Variants in TOM1L2 observed in about 807,000 individuals in gnomAD.
TOM1L2 encodes TOM1-like protein 2.
A neutral mutation model predicts 67.9 loss-of-function variants in TOM1L2; 31 were observed. The observed-to-expected ratio is 0.46, with a 90% CI of 0.34 to 0.62. The LOEUF is 0.62. TOM1L2 is among the 20% of genes least tolerant of loss of function. TOM1L2 has a pLI of 0.01. For missense variants in TOM1L2, 606 were observed against 663.5 expected (o/e 0.91, Z 0.95); for synonymous variants, 256 against 254.0 (o/e 1.01, Z -0.07).
chr17:17,972,376 C>G lies in TOM1L2; in HGVS notation c.-63G>C. On this transcript the variant is annotated 5_prime_UTR_variant, in exon 1 of 15. Coordinates refer to ENST00000379504, the MANE Select transcript of TOM1L2 (RefSeq NM_001082968.2). Reference sequence around the variant, plus strand: ...CTGCCACCTAGGCCTCCGCTGTAACCCGCCGGACTCCCGTCCTGACTGACA... The same window carrying G: ...CTGCCACCTAGGCCTCCGCTGTAACGCGCCGGACTCCCGTCCTGACTGACA... 1 of 1,545,224 alleles carries G rather than the reference C, an allele frequency of 6.5e-7. No homozygotes were observed. The highest frequency in any genetic ancestry group is 8.7e-7 in the Non-Finnish European group (1 of 1,143,976).
intron 1 of TOM1L2, among the ~76,000 whole-genome samples, chr17:17,915,267 G>A (rs1410848158): frequency 6.6e-6 from 1 of 152,136 alleles, no homozygotes; most frequent in Non-Finnish European, 1.5e-5. Context: ...CCAAACTCAG[G>A]CTTTGCTAGC....
In TOM1L2 at chr17:17,862,699, T is replaced by C. The variant is rs945825890; in HGVS notation, c.1202+32A>G. Reference sequence around the variant, plus strand: ...GGCATGGGTCAATCCCCCCAATATCTTTAGAGAGCCACTAAAAGGGGCCCC... The same window carrying C: ...GGCATGGGTCAATCCCCCCAATATCCTTAGAGAGCCACTAAAAGGGGCCCC... On this transcript the variant is annotated intron_variant, in intron 11 of 14. Transcript: ENST00000379504. 6 of 1,570,874 alleles carry C rather than the reference T, an allele frequency of 3.8e-6. No individual in the cohort carries two copies. The Admixed American group carries it at 1.0e-4, about 26-fold the overall frequency.
At chr17:17,950,438 C>T (rs1480368238) in intron 1 of TOM1L2, among the ~76,000 whole-genome samples, 1 of 151,580 alleles carries the variant, frequency 6.6e-6, no homozygotes. Flanking sequence ...GTATTACAGG[C>T]GTGAGTCACT....
rs1342459277 is a variant in TOM1L2 at position 17,864,219 on chromosome 17, T to C, written c.1085-1371A>G. The stretch of plus-strand genomic sequence containing the variant: ...GTAGCAGAATCCAATTTGATTTTTT[T>C]TTTTTTTTTGAGACAGAGTCTCGCT... On this transcript the variant is annotated intron_variant, in intron 10 of 14. Coordinates refer to ENST00000379504, the MANE Select transcript of TOM1L2 (RefSeq NM_001082968.2). Among the ~76,000 whole-genome samples, 3 of 151,052 alleles carry C rather than the reference T, an allele frequency of 2.0e-5. No individual in the cohort carries two copies. In the East Asian group the frequency reaches 5.8e-4, roughly 29 times the overall value.
chr17:17,956,570 G>C (rs189664582), intron 1 of TOM1L2, among the ~76,000 whole-genome samples: 2 of 152,200 alleles, frequency 1.3e-5, no homozygotes, highest in African/African-American at 4.8e-5. Flanking sequence ...GGGGAGGTTC[G>C]GGCCGCATAG....
At chr17:17,889,572 C>T (rs951142590) in intron 4 of TOM1L2, among the ~76,000 whole-genome samples, 3 of 152,180 alleles carry the variant, frequency 2.0e-5, no homozygotes, top group Non-Finnish European at 4.4e-5. Flanking sequence ...ATGGGTTCTA[C>T]CTCTGCCAGG....
intron 1 of TOM1L2, among the ~76,000 whole-genome samples, chr17:17,926,010 A>G (rs2040068252): frequency 6.6e-6 from 1 of 152,066 alleles, no homozygotes; most frequent in South Asian, 2.1e-4. Context: ...GTCTCTACCA[A>G]AAATTTAAAA....
intron 3 of TOM1L2, among the ~76,000 whole-genome samples, chr17:17,897,445 T>C (rs2038631285): frequency 1.3e-5 from 2 of 152,192 alleles, no homozygotes; most frequent in South Asian, 4.1e-4. Context: ...TTTGGATAAA[T>C]AACCTACTAT....
At chr17:17,894,824 G>C (rs957656303) in intron 3 of TOM1L2, among the ~76,000 whole-genome samples, 1 of 152,164 alleles carries the variant, frequency 6.6e-6, no homozygotes, top group Non-Finnish European at 1.5e-5. Context: ...CCAGCTACTT[G>C]GGAGGCTGAG....
At chr17:17,925,608 G>A (rs547933186) in intron 1 of TOM1L2, among the ~76,000 whole-genome samples, 1 of 149,130 alleles carries the variant, frequency 6.7e-6, no homozygotes, top group African/African-American at 2.5e-5. Flanking sequence ...TTGCCACGCT[G>A]AGGTGGGAGG....
chr17:17,948,603 G>C (rs960316091), intron 1 of TOM1L2, among the ~76,000 whole-genome samples: 1 of 152,108 alleles, frequency 6.6e-6, no homozygotes, highest in Non-Finnish European at 1.5e-5. Context: ...AGTGAGCTGG[G>C]ACCATGCCAC....
intron 7 of TOM1L2, among the ~76,000 whole-genome samples, chr17:17,875,474 C>T (rs144019168): frequency 2.7e-4 from 41 of 152,236 alleles, no homozygotes; most frequent in Middle Eastern, 3.4e-3. Context: ...GGGCCTAAGA[C>T]ACCCAAGAGC....
chr17:17,899,705 C>T lies in TOM1L2; in HGVS notation c.138-1031G>A, dbSNP rs917961044. 8.5e-5 allele frequency among the ~76,000 whole-genome samples: 13 copies of T among 152,222 alleles called. No homozygotes were observed. The South Asian group carries it at 2.7e-3, about 32-fold the overall frequency. On this transcript the variant is annotated intron_variant, in intron 2 of 14. Transcript: ENST00000379504. The stretch of plus-strand genomic sequence containing the variant: ...GGGAGCCCTCAGTCCGGCTGTGGGC[C>T]AGCGCTTTGCAATCACACATGGGTT...
rs2035586833 is a variant in TOM1L2, at chr17:17,845,318, G to A, written c.*2317C>T. ...TCCCTGCTGCCCCTGGGGCAGCCAG[G>A]CCTCTCCAATGATGCCTGGCAACCA... On this transcript the variant is annotated 3_prime_UTR_variant, in exon 15 of 15. Coordinates refer to ENST00000379504, the MANE Select transcript of TOM1L2 (RefSeq NM_001082968.2). The A allele has an allele frequency of 6.6e-6, 1 of 152,290 alleles. No homozygotes were observed. The highest frequency in any genetic ancestry group is 2.1e-4 in the South Asian group (1 of 4,836). The allele number at this position is 152,290 out of a possible 1,614,324, so 9.4% of individuals were successfully genotyped here.
At chr17:17,864,674 G>C (rs147559989) in intron 10 of TOM1L2, among the ~76,000 whole-genome samples, 15 of 152,188 alleles carry the variant, frequency 9.9e-5, no homozygotes, top group African/African-American at 2.9e-4. Context: ...ACCATGCCCA[G>C]CTGATTTTTG....
intron 1 of TOM1L2, among the ~76,000 whole-genome samples, chr17:17,911,991 G>T (rs533302939): frequency 2.0e-5 from 3 of 150,426 alleles, no homozygotes; most frequent in East Asian, 1.9e-4. Context: ...AGATCAACAG[G>T]ATCCCAAGGC....
intron 8 of TOM1L2, chr17:17,869,079 A>T (rs2037007558): frequency 1.9e-6 from 1 of 527,880 alleles, no homozygotes; most frequent in African/African-American, 1.9e-5. Flanking sequence ...GGCAGTGGGG[A>T]AAGGCAGAGC....
Position 17,882,847 on chromosome 17 carries a change from T to G in TOM1L2, c.518A>C (p.Asp173Ala), listed in dbSNP as rs1164955701. 6.2e-7 allele frequency: 1 copy of G among 1,613,988 alleles called. No individual in the cohort carries two copies. Among genetic ancestry groups the G allele is most frequent in the Non-Finnish European group, 8.5e-7 (1 of 1,180,016 alleles). ...GGACCTGGGCATGGTCGCAGCTGGA[T>G]CCACTTCAGGGACACTCTGGCATGG... The part of the protein sequence containing the change: ...HTPQRSVPEV[D>A]PAATMPRSQS... Residue 173 changes from aspartate (D) to alanine (A), a missense_variant, in exon 6 of 15, where the codon GAT (aspartate) becomes GCT (alanine). Around this residue, in one of 2 missense-constraint regions of TOM1L2, gnomAD observed 543 missense variants for 554.0 expected, o/e 0.98. Transcript: ENST00000379504.
chr17:17,846,329 TCTC>T lies in TOM1L2; in HGVS notation c.*1303_*1305del, dbSNP rs1181831970. 1.3e-5 allele frequency: 2 copies of T among 152,464 alleles called. No individual in the cohort carries two copies. The highest frequency in any genetic ancestry group is 2.9e-5 in the Non-Finnish European group (2 of 68,234). 9.4% of individuals were successfully genotyped at this position (152,464 alleles called of 1,614,324 possible). On this transcript the variant is annotated 3_prime_UTR_variant, in exon 15 of 15. Coordinates refer to ENST00000379504, the MANE Select transcript of TOM1L2 (RefSeq NM_001082968.2). ...ACGGGGATGCATACAGCTGCAGTAT[TCTC>T]CTTCTGAGCAACAGCAGCCTGGTGG...
Sources: allele counts gnomAD v4.1 joint callset (sites outside exome capture counted in the v4.1 genomes callset), GRCh38; gene constraint gnomAD v4.1.1; regional missense constraint gnomAD v4.1.1; transcripts MANE v1.5; gene names NCBI Gene and HGNC (gene_info 2026-07-23, HGNC 2026-07-21).